The following HDAC9 variants were observed in gnomAD, a reference collection of about 807,000 sequenced individuals.
HDAC9 encodes MEF-2 interacting transcription repressor (MITR) protein.
A neutral mutation model predicts 139.4 loss-of-function variants in HDAC9; 41 were observed. The observed-to-expected ratio is 0.29, with a 90% CI of 0.23 to 0.38. The LOEUF (loss-of-function observed/expected upper bound fraction) is 0.38. Among genes scored for constraint, HDAC9 ranks in the 10% least tolerant of loss-of-function variants. The pLI is 1.00. For missense variants in HDAC9, 1,147 were observed against 1,297.0 expected (o/e 0.88, Z 1.78); for synonymous variants, 517 against 476.2 (o/e 1.09, Z -1.12).
At chr7:18,733,054 T>C (rs547075619) in intron 13 of HDAC9, among the ~76,000 whole-genome samples, 113 of 144,052 alleles carry the variant, frequency 7.8e-4, no homozygotes, top group Non-Finnish European at 1.2e-3. Context: ...CATATATACA[T>C]GTGTATATAC....
chr7:18,912,896 C>A (rs911641632), intron 22 of HDAC9, among the ~76,000 whole-genome samples: 20 of 152,156 alleles, frequency 1.3e-4, no homozygotes, highest in African/African-American at 4.3e-4. Context: ...TATGCTCATG[C>A]ACCTTGAAAT....
intron 1 of HDAC9, among the ~76,000 whole-genome samples, chr7:18,088,280 C>G (rs1287590462): frequency 6.6e-6 from 1 of 151,990 alleles, no homozygotes; most frequent in East Asian, 1.9e-4. Context: ...GAAAAGAAAG[C>G]GAAGAGTTAA....
chr7:18,658,070 A>G (rs945160536), intron 11 of HDAC9, among the ~76,000 whole-genome samples: 1 of 152,074 alleles, frequency 6.6e-6, no homozygotes, highest in Admixed American at 6.6e-5. Context: ...GGTCTGTCTC[A>G]GCTCAAACCT....
chr7:18,563,664 C>T (rs1453765968), intron 2 of HDAC9, among the ~76,000 whole-genome samples: 2 of 152,014 alleles, frequency 1.3e-5, no homozygotes, highest in Non-Finnish European at 2.9e-5. Flanking sequence ...CAGTATTTGC[C>T]CATATCATAC....
intron 15 of HDAC9, among the ~76,000 whole-genome samples, chr7:18,764,303 T>G (rs1211495445): frequency 2.0e-5 from 3 of 152,148 alleles, no homozygotes; most frequent in Non-Finnish European, 4.4e-5. Context: ...CAGTTGATAA[T>G]CTTAGAGTTA....
rs186718929 is a variant in HDAC9 at position 18,778,913 on chromosome 7, G to A, written c.2214+11758G>A. The stretch of plus-strand genomic sequence containing the variant: ...CTGCCAGAAAGCAGTTGATCATACC[G>A]GGAGATGGTTTGTGGTAGAGCATTA... On this transcript the variant is annotated intron_variant, in intron 16 of 25. Coordinates refer to ENST00000686413, the MANE Select transcript of HDAC9 (RefSeq NM_178425.4). Among the ~76,000 whole-genome samples the A allele has an allele frequency of 4.6e-5, 7 of 152,178 alleles. No individual in the cohort carries two copies. In the East Asian group the frequency reaches 5.8e-4, roughly 13 times the overall value.
chr7:18,617,307 G>A (rs1003055857), intron 6 of HDAC9, among the ~76,000 whole-genome samples: 1 of 152,058 alleles, frequency 6.6e-6, no homozygotes, highest in Non-Finnish European at 1.5e-5. Context: ...TCCATCGCAA[G>A]CATGATCTCT....
At chr7:18,417,965 C>T (rs746274627) in intron 1 of HDAC9, among the ~76,000 whole-genome samples, 33 of 152,230 alleles carry the variant, frequency 2.2e-4, no homozygotes, top group South Asian at 4.2e-4. Context: ...GCTCTGTTTC[C>T]TCAAGTCTGG....
chr7:18,272,053 C>T (rs1023152059), intron 2 of HDAC9, among the ~76,000 whole-genome samples: 1 of 152,094 alleles, frequency 6.6e-6, no homozygotes, highest in African/African-American at 2.4e-5. Flanking sequence ...CATTCATCAC[C>T]AATGTACTGA....
At chr7:18,702,092 A>G (rs983687161) in intron 12 of HDAC9, among the ~76,000 whole-genome samples, 1 of 150,260 alleles carries the variant, frequency 6.7e-6, no homozygotes, top group Non-Finnish European at 1.5e-5. Flanking sequence ...TTGGAAGCAA[A>G]GAAGCAGGCT....
At chr7:18,270,733 T>A (rs1187994887) in intron 2 of HDAC9, among the ~76,000 whole-genome samples, 2 of 152,196 alleles carry the variant, frequency 1.3e-5, no homozygotes, top group Non-Finnish European at 2.9e-5. Flanking sequence ...GATTACATTT[T>A]ATGTGCACCT....
At chr7:18,735,699 G>A (rs1430216279) in intron 13 of HDAC9, among the ~76,000 whole-genome samples, 1 of 152,152 alleles carries the variant, frequency 6.6e-6, no homozygotes, top group African/African-American at 2.4e-5. Flanking sequence ...TTTTGCTTAG[G>A]ATTGTCTTGG....
At chr7:18,885,015 G>A (rs1158469049) in intron 22 of HDAC9, among the ~76,000 whole-genome samples, 3 of 152,216 alleles carry the variant, frequency 2.0e-5, no homozygotes, top group Admixed American at 2.0e-4. Flanking sequence ...CAGGTCAAAA[G>A]TCATGCAGTA....
At chr7:18,953,090 T>A (rs1225123144) in intron 23 of HDAC9, among the ~76,000 whole-genome samples, 1 of 152,032 alleles carries the variant, frequency 6.6e-6, no homozygotes, top group African/African-American at 2.4e-5. Context: ...TGGTAATCCC[T>A]GTGTTTTTTT....
chr7:18,889,765 A>G (rs953321898), intron 22 of HDAC9, among the ~76,000 whole-genome samples: 1 of 152,154 alleles, frequency 6.6e-6, no homozygotes, highest in African/African-American at 2.4e-5. Flanking sequence ...TGGTGCAATT[A>G]TGGTTCATTG....
chr7:18,397,433 C>G lies in HDAC9; in HGVS notation c.-41-98829C>G, dbSNP rs577040923. 3.9e-5 allele frequency among the ~76,000 whole-genome samples: 6 copies of G among 152,200 alleles called. No homozygotes were observed. The Middle Eastern group carries it at 0.01, about 259-fold the overall frequency. On this transcript the variant is annotated intron_variant, in intron 1 of 3. Coordinates refer to the HDAC9 transcript ENST00000413509. ...CTGAAATCAAAGCTCTTCATTAAGGCAAATCAGCATAGGGATTATTCCCTA... is the reference window on the plus strand; with the variant it reads ...CTGAAATCAAAGCTCTTCATTAAGGGAAATCAGCATAGGGATTATTCCCTA...
chr7:18,254,724 C>A (rs1795124114), intron 2 of HDAC9, among the ~76,000 whole-genome samples: 1 of 152,136 alleles, frequency 6.6e-6, no homozygotes, highest in African/African-American at 2.4e-5. Flanking sequence ...AATTTTATAG[C>A]ATATTTAATC....
chr7:18,300,270 C>G (rs1798450163), intron 1 of HDAC9, among the ~76,000 whole-genome samples: 1 of 151,778 alleles, frequency 6.6e-6, no homozygotes, highest in African/African-American at 2.4e-5. Context: ...TTCTTCCAGT[C>G]CGTGGCCCAG....
chr7:18,975,546 C>G (rs1012333926), intron 24 of HDAC9, among the ~76,000 whole-genome samples: 68 of 152,140 alleles, frequency 4.5e-4, no homozygotes, highest in African/African-American at 1.5e-3. Flanking sequence ...AGGGTGAGTT[C>G]AGTAGGCCAT....
Sources: allele counts gnomAD v4.1 joint callset (sites outside exome capture counted in the v4.1 genomes callset), GRCh38; gene constraint gnomAD v4.1.1; transcripts MANE v1.5; gene names NCBI Gene and HGNC (gene_info 2026-07-23, HGNC 2026-07-21).